The following PSD3 variants were observed in gnomAD, a reference collection of about 807,000 sequenced individuals.
PSD3 encodes PH and SEC7 domain-containing protein 3.
PSD3 carries 49 observed loss-of-function variants against 105.5 expected under a neutral mutation model. That is an observed-to-expected ratio of 0.46 (90% CI 0.37 to 0.59). PSD3 has a LOEUF of 0.59. Among genes scored for constraint, PSD3 ranks in the 20% least tolerant of loss-of-function variants. The probability of loss-of-function intolerance (pLI) is 0.00; values close to 1 mark genes in which losing one functional copy is unlikely to be tolerated. For synonymous variants in PSD3, 557 were observed against 457.8 expected (o/e 1.22, Z -2.77); for missense variants, 1,561 against 1,263.8 (o/e 1.24, Z -3.57).
At chr8:18,623,584 G>T (rs1585419844) in intron 11 of PSD3, among the ~76,000 whole-genome samples, 1 of 149,678 alleles carries the variant, frequency 6.7e-6, no homozygotes. Context: ...AGGCTGCAGT[G>T]AGCTACAATT....
intron 1 of PSD3, among the ~76,000 whole-genome samples, chr8:18,970,324 CAAAAAAAAA>C (rs11450922): frequency 1.5e-4 from 7 of 45,310 alleles, no homozygotes; most frequent in African/African-American, 2.8e-4. Flanking sequence ...GACTCTGCCT[CAAAAAAAAA>C]AAAAAAAAAA....
chr8:19,059,516 A>G (rs1368280372), intron 1 of PSD3, among the ~76,000 whole-genome samples: 1 of 152,230 alleles, frequency 6.6e-6, no homozygotes, highest in Non-Finnish European at 1.5e-5. Flanking sequence ...AGAAAAGTCT[A>G]AGATTTAAGC....
chr8:18,958,843 T>C (rs1823735075), intron 1 of PSD3, among the ~76,000 whole-genome samples: 1 of 151,924 alleles, frequency 6.6e-6, no homozygotes, highest in Non-Finnish European at 1.5e-5. Context: ...AAATCCAGAA[T>C]AAACATCATA....
At position 18,753,918 on chromosome 8, in the gene PSD3, C is replaced by T. The variant is rs560432435; in HGVS notation, c.2172+11531G>A. Among the ~76,000 whole-genome samples the T allele has an allele frequency of 3.2e-4, 48 of 152,310 alleles. 2 individuals carry two copies. In the South Asian group the frequency reaches 9.3e-3, roughly 30 times the overall value. ...ATTTGACTGCCTCTCTTCAAAACAACTCCAGATGTACCATTTGGAGACCTA... is the reference window on the plus strand; with the variant it reads ...ATTTGACTGCCTCTCTTCAAAACAATTCCAGATGTACCATTTGGAGACCTA... On this transcript the variant is annotated intron_variant, in intron 9 of 15. Transcript: ENST00000327040.
chr8:18,915,119 C>A (rs1407453629), intron 2 of PSD3, among the ~76,000 whole-genome samples: 1 of 152,088 alleles, frequency 6.6e-6, no homozygotes, highest in Non-Finnish European at 1.5e-5. Flanking sequence ...ATGAACAGTG[C>A]TGGGAAAACG....
In PSD3 at chr8:18,660,822, A is replaced by T. The variant is rs377159382; in HGVS notation, c.2173-5137T>A. Reference sequence around the variant, plus strand: ...TTAACCCCAGAGCCAGATCACAATCACATACCTCTCTCGACACTAGCCAGG... The same window carrying T: ...TTAACCCCAGAGCCAGATCACAATCTCATACCTCTCTCGACACTAGCCAGG... On this transcript the variant is annotated intron_variant, in intron 9 of 15. Transcript: ENST00000327040. Among the ~76,000 whole-genome samples the T allele has an allele frequency of 3.3e-5, 5 of 152,218 alleles. No homozygotes were observed. The East Asian group carries it at 5.8e-4, about 18-fold the overall frequency.
At chr8:18,817,193 G>GA (rs1563306598) in intron 4 of PSD3, among the ~76,000 whole-genome samples, 2 of 152,128 alleles carry the variant, frequency 1.3e-5, no homozygotes, top group East Asian at 3.9e-4. Context: ...ATTAACTGCC[G>GA]ATTCTCCAAC....
chr8:18,585,044 G>C (rs180841237), intron 12 of PSD3, among the ~76,000 whole-genome samples: 15 of 152,224 alleles, frequency 9.9e-5, no homozygotes, highest in African/African-American at 3.6e-4. Flanking sequence ...TGGTATTTTT[G>C]ACCTGTGTTT....
chr8:18,795,859 A>T (rs79681521), intron 8 of PSD3, among the ~76,000 whole-genome samples: 3 of 152,148 alleles, frequency 2.0e-5, no homozygotes, highest in Non-Finnish European at 4.4e-5. Context: ...AAGACTTTCA[A>T]CTCTTACCTT....
At chr8:18,631,398 C>A (rs1806884845) in intron 11 of PSD3, among the ~76,000 whole-genome samples, 2 of 151,924 alleles carry the variant, frequency 1.3e-5, no homozygotes, top group African/African-American at 4.8e-5. Flanking sequence ...TGTCCTAGAA[C>A]AGACTAAATG....
At chr8:18,690,676 C>T (rs1181643950) in intron 9 of PSD3, among the ~76,000 whole-genome samples, 4 of 152,202 alleles carry the variant, frequency 2.6e-5, no homozygotes, top group African/African-American at 7.2e-5. Context: ...TTGATGGACA[C>T]ACCACCGCTT....
intron 9 of PSD3, among the ~76,000 whole-genome samples, chr8:18,708,012 A>G (rs187768294): frequency 6.6e-6 from 1 of 152,300 alleles, no homozygotes. Flanking sequence ...CAGGTAATAA[A>G]CCACCTTGCT....
chr8:18,951,734 C>T (rs1182032770), intron 1 of PSD3, among the ~76,000 whole-genome samples: 1 of 152,090 alleles, frequency 6.6e-6, no homozygotes, highest in Non-Finnish European at 1.5e-5. Context: ...CCTGTAATCC[C>T]AGCACTTTGG....
chr8:18,849,138 T>C (rs1473569967), intron 4 of PSD3: 4 of 152,368 alleles, frequency 2.6e-5, no homozygotes, highest in Admixed American at 2.6e-4. Flanking sequence ...ATTCATCTAC[T>C]TGTTAGAAAA....
rs548384697 is a variant in PSD3, at chr8:19,060,388, C to T, written c.324+23818G>A. On this transcript the variant is annotated intron_variant, in intron 1 of 1. Transcript: ENST00000521475. The stretch of plus-strand genomic sequence containing the variant: ...ACTGATTTCCTTATATCTGTAACCA[C>T]AGAGGTCTATAGATCTTATATATAG... Among the ~76,000 whole-genome samples, 6 of 152,282 alleles carry T rather than the reference C, an allele frequency of 3.9e-5. No homozygotes were observed. In the East Asian group the frequency reaches 1.2e-3, roughly 29 times the overall value.
intron 11 of PSD3, among the ~76,000 whole-genome samples, chr8:18,620,864 A>C (rs1806063041): frequency 6.6e-6 from 1 of 152,250 alleles, no homozygotes; most frequent in Admixed American, 6.5e-5. Flanking sequence ...CAGATTATTA[A>C]AGAATTTGAC....
intron 10 of PSD3, among the ~76,000 whole-genome samples, chr8:18,635,652 A>T (rs112034104): frequency 0.014 from 2,067 of 152,288 alleles, 41 homozygotes; most frequent in African/African-American, 0.048. Context: ...CACCAATGAT[A>T]GACTGGATAA....
chr8:18,790,580 G>A (rs1809622921), intron 8 of PSD3, among the ~76,000 whole-genome samples: 1 of 151,994 alleles, frequency 6.6e-6, no homozygotes, highest in Non-Finnish European at 1.5e-5. Flanking sequence ...GGGATTACAG[G>A]CGTGAGCCAC....
chr8:18,591,489 A>C (rs1417435860), intron 12 of PSD3, among the ~76,000 whole-genome samples: 1 of 152,170 alleles, frequency 6.6e-6, no homozygotes, highest in Non-Finnish European at 1.5e-5. Context: ...GGCTGAAGAA[A>C]GGTAGAGTGT....
Sources: allele counts gnomAD v4.1 joint callset (sites outside exome capture counted in the v4.1 genomes callset), GRCh38; gene constraint gnomAD v4.1.1; transcripts MANE v1.5; gene names NCBI Gene and HGNC (gene_info 2026-07-23, HGNC 2026-07-21).